TNFRSF11B: variants seen among roughly 807,000 people sequenced by gnomAD.
TNFRSF11B encodes TNF receptor superfamily member 11b, also known as tumor necrosis factor receptor superfamily member 11B.
A neutral mutation model predicts 43.4 loss-of-function variants in TNFRSF11B; 16 were observed. That is an observed-to-expected ratio of 0.37 (90% confidence interval 0.25 to 0.56). The LOEUF is 0.56. TNFRSF11B is among the 20% of genes least tolerant of loss of function. The pLI, the probability that TNFRSF11B is intolerant of heterozygous loss-of-function variation, is 0.80. For missense variants in TNFRSF11B, 444 were observed against 490.1 expected (o/e 0.91, Z 0.89); for synonymous variants, 185 against 181.8 (o/e 1.02, Z -0.14).
intron 4 of TNFRSF11B, 56 bp downstream of exon 4, chr8:118,926,438 A>G: frequency 6.9e-6 from 10 of 1,447,178 alleles, no homozygotes; most frequent in South Asian, 5.7e-5. Context: ...TTCCTGGTTT[A>G]TGATAAATAG....
intron 1 of TNFRSF11B, among the ~76,000 whole-genome samples, chr8:118,940,304 A>G (rs1812467205): frequency 6.6e-6 from 1 of 152,208 alleles, no homozygotes; most frequent in South Asian, 2.1e-4. Context: ...CGTTGTGCAC[A>G]TGCACCCTAG....
At chr8:118,929,114 T>G (rs1812290134) in intron 2 of TNFRSF11B, 185 bp from the exon 3 acceptor site, 1 of 616,850 alleles carries the variant, frequency 1.6e-6, no homozygotes, top group African/African-American at 1.8e-5. Flanking sequence ...TCATCCCCTT[T>G]GGCAGTTTCT....
At chr8:118,947,711 A>T (rs1201499663) in intron 1 of TNFRSF11B, among the ~76,000 whole-genome samples, 1 of 152,242 alleles carries the variant, frequency 6.6e-6, no homozygotes, top group Admixed American at 6.5e-5. Flanking sequence ...GAATTTAACA[A>T]GATAAATTTG....
intron 1 of TNFRSF11B, among the ~76,000 whole-genome samples, chr8:118,934,809 C>T (rs758299191): frequency 1.3e-5 from 2 of 152,234 alleles, no homozygotes; most frequent in Non-Finnish European, 2.9e-5. Flanking sequence ...TCACAGGAAC[C>T]CCCTGACCTG....
chr8:118,945,729 A>G (rs543756416), intron 1 of TNFRSF11B, among the ~76,000 whole-genome samples: 1 of 152,268 alleles, frequency 6.6e-6, no homozygotes, highest in South Asian at 2.1e-4. Context: ...GGAACAAGAA[A>G]GTAGTATTAC....
intron 1 of TNFRSF11B, among the ~76,000 whole-genome samples, chr8:118,948,112 A>T (rs3134066): frequency 0.093 from 14,185 of 152,180 alleles, 825 homozygotes; most frequent in African/African-American, 0.17. Context: ...AATCTGATAT[A>T]ATTGAGAACT....
At chr8:118,950,278 G>C (rs1407258199) in intron 1 of TNFRSF11B, among the ~76,000 whole-genome samples, 1 of 152,120 alleles carries the variant, frequency 6.6e-6, no homozygotes, top group Non-Finnish European at 1.5e-5. Flanking sequence ...CCCAAAACTA[G>C]GATGATTAAA....
chr8:118,951,265 A>T (rs551673853), intron 1 of TNFRSF11B, among the ~76,000 whole-genome samples: 1 of 152,306 alleles, frequency 6.6e-6, no homozygotes, highest in African/African-American at 2.4e-5. Flanking sequence ...TGTGTGTGTG[A>T]GAGATCTTTT....
At chr8:118,927,205 A>T (rs1586953511) in intron 3 of TNFRSF11B, among the ~76,000 whole-genome samples, 1 of 152,350 alleles carries the variant, frequency 6.6e-6, no homozygotes, top group African/African-American at 2.4e-5. Context: ...ATAGATACAG[A>T]TATATAAGTA....
At chr8:118,945,880 T>C (rs1294433184) in intron 1 of TNFRSF11B, among the ~76,000 whole-genome samples, 1 of 152,076 alleles carries the variant, frequency 6.6e-6, no homozygotes, top group African/African-American at 2.4e-5. Context: ...ATTTTATTGG[T>C]GATTATTGAA....
At chr8:118,951,770 G>C in intron 1 of TNFRSF11B, 22 bp downstream of exon 1, 1 of 1,582,324 alleles carries the variant, frequency 6.3e-7, no homozygotes, top group Non-Finnish European at 8.6e-7. Context: ...CCGGGCACCC[G>C]TCGGCTGGCC....
intron 1 of TNFRSF11B, among the ~76,000 whole-genome samples, chr8:118,945,249 A>T (rs990762838): frequency 6.7e-6 from 1 of 148,318 alleles, no homozygotes; most frequent in Admixed American, 6.8e-5. Flanking sequence ...TGATATTTGC[A>T]TGTTTTGAGC....
intron 1 of TNFRSF11B, among the ~76,000 whole-genome samples, chr8:118,939,695 G>A (rs1487444768): frequency 6.6e-6 from 1 of 152,184 alleles, no homozygotes; most frequent in Non-Finnish European, 1.5e-5. Context: ...CCTTCTATAT[G>A]AGACTCAAGT....
chr8:118,938,707 TG>T (rs1437977745), intron 1 of TNFRSF11B, among the ~76,000 whole-genome samples: 1 of 152,212 alleles, frequency 6.6e-6, no homozygotes, highest in Non-Finnish European at 1.5e-5. Context: ...GACTTTTCTT[TG>T]TGCTAAGACT....
At chr8:118,936,339 G>A (rs964476164) in intron 1 of TNFRSF11B, among the ~76,000 whole-genome samples, 3 of 152,064 alleles carry the variant, frequency 2.0e-5, no homozygotes, top group African/African-American at 4.8e-5. Flanking sequence ...AGTTCAATTG[G>A]GCCTCTGTTT....
chr8:118,951,148 T>C (rs1812638147), intron 1 of TNFRSF11B, among the ~76,000 whole-genome samples: 1 of 152,222 alleles, frequency 6.6e-6, no homozygotes, highest in African/African-American at 2.4e-5. Context: ...TCTTTAGATA[T>C]GTTTTAGAAC....
chr8:118,923,861 T>A lies in TNFRSF11B; in HGVS notation c.*513A>T, dbSNP rs1812213427. 1 of 152,868 alleles carries A rather than the reference T, an allele frequency of 6.5e-6. No individual in the cohort carries two copies. The highest frequency in any genetic ancestry group is 2.4e-5 in the African/African-American group (1 of 41,468). The allele number at this position is 152,868 out of a possible 1,614,324, so 9.5% of individuals were successfully genotyped here. Reference sequence around the variant, plus strand: ...CTTTCATTTGTCATAATAAACAGAATATAATTTTCTTTCTAAAATTAAGTC... The same window carrying A: ...CTTTCATTTGTCATAATAAACAGAAAATAATTTTCTTTCTAAAATTAAGTC... On this transcript the variant is annotated 3_prime_UTR_variant, in exon 5 of 5. Coordinates refer to ENST00000297350, the MANE Select transcript of TNFRSF11B (RefSeq NM_002546.4).
chr8:118,951,690 C>A, intron 1 of TNFRSF11B, 102 bp downstream of exon 1: 1 of 1,148,774 alleles, frequency 8.7e-7, no homozygotes, highest in Non-Finnish European at 1.3e-6. Context: ...TGGGAGGGAG[C>A]GAGTGGAGCC....
In TNFRSF11B at chr8:118,933,383, A is replaced by C. The variant is rs1812356244; in HGVS notation, c.31-83T>G. ...ATGTGCAACAGTATCATTTGACTCA[A>C]AGTCCTGTATTACCTTAAGCCTAAT... is the stretch of plus-strand genomic sequence containing the variant. On this transcript the variant is annotated intron_variant, in intron 1 of 4. Coordinates refer to ENST00000297350, the MANE Select transcript of TNFRSF11B (RefSeq NM_002546.4). 3.2e-6 allele frequency: 5 copies of C among 1,584,074 alleles called. No individual in the cohort carries two copies. In the South Asian group the frequency reaches 5.6e-5, roughly 18 times the overall value.
Sources: allele counts gnomAD v4.1 joint callset (sites outside exome capture counted in the v4.1 genomes callset), GRCh38; gene constraint gnomAD v4.1.1; transcripts MANE v1.5; gene names NCBI Gene and HGNC (gene_info 2026-07-23, HGNC 2026-07-21).